Variants in TENM2 observed in about 807,000 individuals in gnomAD.
TENM2 encodes the protein teneurin transmembrane protein 2, also known as teneurin-2.
TENM2 carries 52 observed loss-of-function variants against 245.2 expected under a neutral mutation model. That is an observed-to-expected ratio of 0.21 (90% CI 0.17 to 0.27). TENM2 has a LOEUF of 0.27. Ranked by LOEUF, TENM2 falls within the 10% of genes least tolerant of loss-of-function variation. TENM2 has a pLI of 1.00. For missense variants in TENM2, 3,046 were observed against 3,666.8 expected (o/e 0.83, Z 4.37); for synonymous variants, 1,363 against 1,438.9 (o/e 0.95, Z 1.19).
At chr5:167,817,754 C>T (rs1267109078) in intron 2 of TENM2, among the ~76,000 whole-genome samples, 1 of 152,148 alleles carries the variant, frequency 6.6e-6, no homozygotes, top group Non-Finnish European at 1.5e-5. Flanking sequence ...TGAGATGAAA[C>T]GCTGGCTATG....
At chr5:167,654,626 C>T (rs1375809649) in intron 2 of TENM2, among the ~76,000 whole-genome samples, 4 of 151,156 alleles carry the variant, frequency 2.6e-5, no homozygotes, top group Non-Finnish European at 5.9e-5. Context: ...ATTTTGGAGT[C>T]ATCTAGCATT....
chr5:168,102,604 C>G (rs1229401076), intron 9 of TENM2, among the ~76,000 whole-genome samples: 1 of 152,196 alleles, frequency 6.6e-6, no homozygotes, highest in Admixed American at 6.5e-5. Flanking sequence ...AACACCTCAA[C>G]TCATAACTAT....
intron 2 of TENM2, among the ~76,000 whole-genome samples, chr5:167,432,997 G>A (rs945799221): frequency 1.3e-5 from 2 of 152,038 alleles, no homozygotes; most frequent in Admixed American, 1.3e-4. Flanking sequence ...TTATTAGAGT[G>A]CTTTAAAATG....
Position 167,988,543 on chromosome 5 carries a change from A to G in TENM2, c.948-4401A>G, listed in dbSNP as rs531932072. Among the ~76,000 whole-genome samples, 224 of 152,288 alleles carry G rather than the reference A, an allele frequency of 1.5e-3. 1 individual carries two copies. Among genetic ancestry groups the G allele is most frequent in the Admixed American group, 4.7e-3 (72 of 15,294 alleles). On this transcript the variant is annotated intron_variant, in intron 4 of 28. Coordinates refer to ENST00000518659, the Ensembl canonical transcript of TENM2. ...TGCTATGAGAGCAGAGATTGAAGGA[A>G]CAAGTTGTGCAGATATTTCCAGGCA...
intron 2 of TENM2, among the ~76,000 whole-genome samples, chr5:167,799,745 A>G (rs2150939717): frequency 6.6e-6 from 1 of 152,250 alleles, no homozygotes. Flanking sequence ...TCTAAAAACC[A>G]TTTCAGGTCC....
At chr5:167,083,185 T>C in the TENM2 span, among the ~76,000 whole-genome samples, 1 of 152,188 alleles carries the variant, frequency 6.6e-6, no homozygotes, top group African/African-American at 2.4e-5. Flanking sequence ...TGATGCTTCT[T>C]GGGGAAAACT....
chr5:167,515,274 T>C (rs968932901), intron 2 of TENM2, among the ~76,000 whole-genome samples: 1 of 152,124 alleles, frequency 6.6e-6, no homozygotes, highest in Non-Finnish European at 1.5e-5. Context: ...AAAGTTACAA[T>C]GTTTCTACTG....
At chr5:167,907,311 T>C (rs1442730481) in intron 3 of TENM2, among the ~76,000 whole-genome samples, 1 of 151,398 alleles carries the variant, frequency 6.6e-6, no homozygotes, top group African/African-American at 2.4e-5. Flanking sequence ...AAGTTTGAAA[T>C]ACTATATTCC....
intron 3 of TENM2, among the ~76,000 whole-genome samples, chr5:167,919,893 C>A (rs930846401): frequency 3.9e-5 from 6 of 152,132 alleles, no homozygotes; most frequent in South Asian, 2.1e-4. Context: ...CCTAAATTCC[C>A]ACAAGAGTGT....
At chr5:167,216,098 G>A in the TENM2 span, among the ~76,000 whole-genome samples, 2 of 152,078 alleles carry the variant, frequency 1.3e-5, no homozygotes, top group Non-Finnish European at 2.9e-5. Flanking sequence ...ACTTTCCTTC[G>A]TGATAGGACT....
the TENM2 span, among the ~76,000 whole-genome samples, chr5:166,996,571 A>G: frequency 1.5e-4 from 23 of 152,294 alleles, no homozygotes; most frequent in South Asian, 4.6e-3. Context: ...CCTTTACAGA[A>G]AAAGTTTGCT....
chr5:168,118,414 G>A (rs781402825), exon 10 of TENM2: 26 of 1,610,230 alleles, frequency 1.6e-5, no homozygotes, highest in South Asian at 1.5e-4. Context: ...TCCTTCCTGC[G>A]GGGGCCACGG....
At chr5:167,856,849 G>C (rs1255212445) in intron 2 of TENM2, among the ~76,000 whole-genome samples, 1 of 152,176 alleles carries the variant, frequency 6.6e-6, no homozygotes, top group East Asian at 1.9e-4. Context: ...TAATTTCTGG[G>C]ATGAGGAGCT....
chr5:168,221,111 CAA>C (rs11480110), intron 23 of TENM2, among the ~76,000 whole-genome samples: 1 of 129,582 alleles, frequency 7.7e-6, no homozygotes, highest in Non-Finnish European at 1.7e-5. Flanking sequence ...CACTCTGTCT[CAA>C]AAAAAAAAAA....
chr5:167,854,252 G>C (rs1180895725), intron 2 of TENM2, among the ~76,000 whole-genome samples: 1 of 152,148 alleles, frequency 6.6e-6, no homozygotes, highest in Non-Finnish European at 1.5e-5. Flanking sequence ...CCTGGGGCTT[G>C]CAAGAAAATC....
intron 2 of TENM2, among the ~76,000 whole-genome samples, chr5:167,811,556 A>G (rs1404001496): frequency 6.6e-6 from 1 of 151,978 alleles, no homozygotes; most frequent in Non-Finnish European, 1.5e-5. Flanking sequence ...TTAATAAATT[A>G]CCCAGTCTCA....
the TENM2 span, among the ~76,000 whole-genome samples, chr5:167,165,621 A>G: frequency 8.2e-3 from 1,250 of 152,254 alleles, 15 homozygotes; most frequent in African/African-American, 0.028. Flanking sequence ...AAAAAATCTT[A>G]TTCTGACCAT....
At chr5:168,172,667 C>T (rs1758951187) in intron 13 of TENM2, among the ~76,000 whole-genome samples, 1 of 152,154 alleles carries the variant, frequency 6.6e-6, no homozygotes, top group African/African-American at 2.4e-5. Flanking sequence ...CTCAGAAACA[C>T]GAATTTTGCA....
chr5:168,238,268 A>AGAAAAGAAAAGAAAGGAAAG lies in TENM2; in HGVS notation c.5521-6138_5521-6137insGGAAAGGAAAAGAAAAGAAA, dbSNP rs1264080003. 5.8e-5 allele frequency among the ~76,000 whole-genome samples: 7 copies of AGAAAAGAAAAGAAAGGAAAG among 120,880 alleles called. 1 individual carries two copies. Among genetic ancestry groups the AGAAAAGAAAAGAAAGGAAAG allele is most frequent in the East Asian group, 3.8e-4 (1 of 2,608 alleles). 79.3% of individuals were successfully genotyped at this position (120,880 alleles called of 152,430 possible). On this transcript the variant is annotated intron_variant, in intron 25 of 28. Coordinates refer to ENST00000518659, the Ensembl canonical transcript of TENM2. ...AGAAAAGAAAAGAAAAGAAAAGAAA[A>AGAAAAGAAAAGAAAGGAAAG]GAAAAGAAAAGAAAAGAAAAGAAAA...
Sources: allele counts gnomAD v4.1 joint callset (sites outside exome capture counted in the v4.1 genomes callset), GRCh38; gene constraint gnomAD v4.1.1; transcripts MANE v1.5; gene names NCBI Gene and HGNC (gene_info 2026-07-23, HGNC 2026-07-21).